MTBP: variants seen among roughly 807,000 people sequenced by gnomAD.
The protein encoded by MTBP is mdm2-binding protein.
A neutral mutation model predicts 117.0 loss-of-function variants in MTBP; 101 were observed. That is an observed-to-expected ratio of 0.86 (90% CI 0.73 to 1.02). MTBP has a LOEUF of 1.02. MTBP is among the 50% of genes least tolerant of loss of function. MTBP has a pLI of 0.00. For synonymous variants in MTBP, 350 were observed against 351.5 expected (o/e 1.00, Z 0.05); for missense variants, 970 against 1,030.9 (o/e 0.94, Z 0.81).
chr8:120,448,709 T>C (rs1304801786), intron 2 of MTBP, among the ~76,000 whole-genome samples: 1 of 152,224 alleles, frequency 6.6e-6, no homozygotes, highest in African/African-American at 2.4e-5. Flanking sequence ...GAATATACCA[T>C]GGTAACTGAA....
chr8:120,486,308 A>T (rs1814213266), intron 11 of MTBP, among the ~76,000 whole-genome samples: 1 of 152,126 alleles, frequency 6.6e-6, no homozygotes, highest in African/African-American at 2.4e-5. Context: ...TTCTTTGGGT[A>T]GTGCTTAGGG....
At chr8:120,515,301 A>G (rs1814897295) in intron 17 of MTBP, among the ~76,000 whole-genome samples, 1 of 152,042 alleles carries the variant, frequency 6.6e-6, no homozygotes, top group Non-Finnish European at 1.5e-5. Flanking sequence ...TTAACAACCT[A>G]GGATTTCTTT....
At chr8:120,477,411 T>A (rs541593255) in intron 11 of MTBP, among the ~76,000 whole-genome samples, 2 of 152,286 alleles carry the variant, frequency 1.3e-5, no homozygotes, top group East Asian at 1.9e-4. Context: ...TAGGATCTAA[T>A]TAAACTAAAG....
Position 120,488,331 on chromosome 8 carries a change from G to T in MTBP, c.1338G>T (p.Leu446Phe). The T allele has an allele frequency of 1.3e-6, 2 of 1,536,382 alleles. No homozygotes were observed. The highest frequency in any genetic ancestry group is 2.6e-5 in the South Asian group (2 of 75,982). ...AAACAAAGACAGAAGAAGCCAAATT[G>T]AGTAAGTGTTAACTTCAGGTAGAAA... ...KMKTKTEEAKLSFPFDLLSLP... is the reference protein window; with the variant it reads ...KMKTKTEEAKFSFPFDLLSLP... The change falls in exon 12 of 22, where the codon TTG (leucine) becomes TTT (phenylalanine). Residue 446 changes from leucine (L) to phenylalanine (F), a missense_variant and splice_region_variant. Transcript: ENST00000305949.
chr8:120,523,556 T>C lies in MTBP; in HGVS notation c.*220T>C, dbSNP rs1586977979. On this transcript the variant is annotated 3_prime_UTR_variant, in exon 22 of 22. Transcript: ENST00000305949. ...AGATACATATTTTGTAAAGTGTTAC[T>C]ATATTTTAAAGTTATTTTTATATGT... 1 of 266,838 alleles carries C rather than the reference T, an allele frequency of 3.7e-6. No individual in the cohort carries two copies. The highest frequency in any genetic ancestry group is 6.2e-5 in the East Asian group (1 of 16,126). The allele number at this position is 266,838 out of a possible 1,614,324, so 16.5% of individuals were successfully genotyped here.
intron 5 of MTBP, 109 bp from the exon 6 acceptor site, chr8:120,455,326 A>G: frequency 1.7e-6 from 1 of 578,762 alleles, no homozygotes; most frequent in Non-Finnish European, 2.8e-6. Flanking sequence ...AATAAATATA[A>G]AACTAATTTT....
intron 15 of MTBP, among the ~76,000 whole-genome samples, chr8:120,503,378 T>C (rs539181506): frequency 3.3e-5 from 5 of 152,166 alleles, no homozygotes; most frequent in Non-Finnish European, 5.9e-5. Flanking sequence ...CAAGTAAATG[T>C]AATAGTTGTA....
chr8:120,496,432 C>G (rs1814459470), intron 13 of MTBP, among the ~76,000 whole-genome samples: 1 of 152,134 alleles, frequency 6.6e-6, no homozygotes, highest in African/African-American at 2.4e-5. Flanking sequence ...TAATATCTGT[C>G]AAGCTTCACT....
chr8:120,448,538 G>A (rs913106647), intron 2 of MTBP, among the ~76,000 whole-genome samples: 8 of 152,164 alleles, frequency 5.3e-5, no homozygotes, highest in Non-Finnish European at 1.2e-4. Context: ...TGCTACCTGT[G>A]TGTGAACTGA....
At chr8:120,518,528 T>C (rs1814959919) in intron 19 of MTBP, among the ~76,000 whole-genome samples, 176 bp from the exon 20 acceptor site, 1 of 148,402 alleles carries the variant, frequency 6.7e-6, no homozygotes, top group Admixed American at 6.9e-5. Context: ...CCTGTGACAC[T>C]TCTGACCATG....
chr8:120,502,151 CAG>C (rs1270244087), intron 14 of MTBP, among the ~76,000 whole-genome samples: 2 of 152,136 alleles, frequency 1.3e-5, no homozygotes, highest in African/African-American at 2.4e-5. Context: ...ATATTCTCTA[CAG>C]AGTTATCTTC....
intron 20 of MTBP, among the ~76,000 whole-genome samples, chr8:120,519,498 A>G (rs979672127): frequency 6.6e-6 from 1 of 152,150 alleles, no homozygotes; most frequent in African/African-American, 2.4e-5. Flanking sequence ...AACTTAGACA[A>G]TGTTAGATTA....
intron 2 of MTBP, among the ~76,000 whole-genome samples, chr8:120,449,053 T>C (rs1306403488): frequency 6.6e-6 from 1 of 152,138 alleles, no homozygotes; most frequent in Non-Finnish European, 1.5e-5. Flanking sequence ...CTCCCTGCAG[T>C]ATAGTAGATG....
At chr8:120,495,073 T>A (rs559741481) in intron 13 of MTBP, among the ~76,000 whole-genome samples, 20 of 152,282 alleles carry the variant, frequency 1.3e-4, no homozygotes, top group Middle Eastern at 3.4e-3. Context: ...CCTAGACCCC[T>A]TATTCTCCTT....
rs1200720971 is a variant in MTBP at position 120,459,224 on chromosome 8, G to C, written c.757G>C (p.Glu253Gln). ...CTTGGTCTCTTTTCAGTTTGGATTT[G>C]AAATTAGTTTTCCTGAATTTTGTTT... ...IQIWERKFGF[E>Q]ISFPEFCLKG... The change falls in exon 8 of 22, where the codon GAA becomes CAA. Residue 253 changes from glutamate (E) to glutamine (Q), a missense_variant. By Grantham distance (29) the Glu-to-Gln change is conservative. Coordinates refer to ENST00000305949, the MANE Select transcript of MTBP (RefSeq NM_022045.5). The C allele has an allele frequency of 1.2e-6, 2 of 1,608,186 alleles. No individual in the cohort carries two copies. Among genetic ancestry groups the C allele is most frequent in the Admixed American group, 3.4e-5 (2 of 59,600 alleles).
At chr8:120,493,335 ATC>A (rs1352845014) in intron 13 of MTBP, among the ~76,000 whole-genome samples, 3 of 152,090 alleles carry the variant, frequency 2.0e-5, no homozygotes, top group Non-Finnish European at 4.4e-5. Context: ...TGTAAACTTT[ATC>A]TGTTTTCTGT....
chr8:120,446,015 A>G (rs1221970292), intron 1 of MTBP, among the ~76,000 whole-genome samples: 1 of 152,190 alleles, frequency 6.6e-6, no homozygotes, highest in Non-Finnish European at 1.5e-5. Flanking sequence ...TTTAAAAACA[A>G]ATGATGAATT....
At chr8:120,510,702 G>C (rs1814785837) in intron 17 of MTBP, among the ~76,000 whole-genome samples, 1 of 152,084 alleles carries the variant, frequency 6.6e-6, no homozygotes, top group South Asian at 2.1e-4. Flanking sequence ...AGGAGTTTGA[G>C]ACCAGCCTGG....
At position 120,456,722 on chromosome 8, in the gene MTBP, A is replaced by T. The variant is rs564040894; in HGVS notation, c.747+52A>T. ...AGTAGGCCTTTCAATTTTATTTACAACACAGATATTTAAATAAATCTTAAT... is the reference window on the plus strand; with the variant it reads ...AGTAGGCCTTTCAATTTTATTTACATCACAGATATTTAAATAAATCTTAAT... On this transcript the variant is annotated intron_variant, in intron 7 of 21. Transcript: ENST00000305949. The T allele has an allele frequency of 2.7e-4, 234 of 870,104 alleles. 1 individual carries two copies. The East Asian group carries it at 5.5e-3, about 21-fold the overall frequency. The allele number at this position is 870,104 out of a possible 1,614,324, so 53.9% of individuals were successfully genotyped here. A position where few individuals can be genotyped will look rare whatever the true frequency, so the allele number is the denominator to read the frequency against.
Sources: allele counts gnomAD v4.1 joint callset (sites outside exome capture counted in the v4.1 genomes callset), GRCh38; gene constraint gnomAD v4.1.1; transcripts MANE v1.5; gene names NCBI Gene and HGNC (gene_info 2026-07-23, HGNC 2026-07-21).